The following SGCD variants were observed in gnomAD, a reference collection of about 807,000 sequenced individuals.
The protein encoded by SGCD is sarcoglycan delta.
Under a neutral mutation model 36.6 loss-of-function variants are expected in SGCD, and 18 were observed. The ratio of observed to expected loss-of-function variants is 0.49; its 90% CI spans 0.34 to 0.73. The LOEUF is 0.73. Ranked by LOEUF, SGCD falls within the 30% of genes least tolerant of loss-of-function variation. SGCD has a pLI of 0.01. For synonymous variants in SGCD, 133 were observed against 130.6 expected, an observed-to-expected ratio of 1.02 and a Z score of -0.12; for missense variants, 387 against 346.7, an observed-to-expected ratio of 1.12 and a Z score of -0.92.
At chr5:156,073,744 A>G (rs1164302994) in intron 1 of SGCD, among the ~76,000 whole-genome samples, 1 of 152,230 alleles carries the variant, frequency 6.6e-6, no homozygotes, top group Non-Finnish European at 1.5e-5. Flanking sequence ...CAGCAGAAAG[A>G]TATAATACAG....
chr5:156,192,995 C>G (rs980940343), intron 3 of SGCD, among the ~76,000 whole-genome samples: 2 of 151,032 alleles, frequency 1.3e-5, no homozygotes, highest in African/African-American at 4.9e-5. Context: ...TCATGGACAC[C>G]GAAATTTTAA....
At chr5:155,993,198 C>G (rs995309035) in intron 1 of SGCD, among the ~76,000 whole-genome samples, 1 of 152,180 alleles carries the variant, frequency 6.6e-6, no homozygotes, top group Non-Finnish European at 1.5e-5. Context: ...ATGGAACATT[C>G]CTGCATGGCC....
At chr5:155,902,920 C>A (rs1349519649) in intron 1 of SGCD, among the ~76,000 whole-genome samples, 1 of 152,196 alleles carries the variant, frequency 6.6e-6, no homozygotes, top group Non-Finnish European at 1.5e-5. Flanking sequence ...TTTGCTAGGA[C>A]TTTATAGATA....
chr5:155,898,308 A>G (rs1024782108), intron 1 of SGCD, among the ~76,000 whole-genome samples: 1 of 152,228 alleles, frequency 6.6e-6, no homozygotes, highest in Admixed American at 6.5e-5. Flanking sequence ...TAGCAGTGAT[A>G]TGAACAGTAC....
rs568667875 is a variant in SGCD, at chr5:156,006,350, A to AT, written c.-281-111520dup. ...GTCAAAATGACAAATCTCTTTGATTATTTTTTTTCATTTGAAGTCAAAAGC... is the reference window on the plus strand; with the variant it reads ...GTCAAAATGACAAATCTCTTTGATTATTTTTTTTTCATTTGAAGTCAAAAGC... On this transcript the variant is annotated intron_variant, in intron 1 of 9. Coordinates refer to the SGCD transcript ENST00000517913. Among the ~76,000 whole-genome samples the AT allele has an allele frequency of 1.2e-3, 187 of 152,078 alleles. 1 individual carries two copies. Among genetic ancestry groups the AT allele is most frequent in the Admixed American group, 2.1e-3 (32 of 15,268 alleles).
the SGCD span, among the ~76,000 whole-genome samples, chr5:155,785,374 CA>C: frequency 6.6e-6 from 1 of 152,094 alleles, no homozygotes; most frequent in African/African-American, 2.4e-5. Flanking sequence ...ATGATTAAAT[CA>C]GGGTAATTAG....
At chr5:155,894,595 C>T (rs1432629451) in intron 1 of SGCD, among the ~76,000 whole-genome samples, 2 of 152,182 alleles carry the variant, frequency 1.3e-5, no homozygotes, top group African/African-American at 4.8e-5. Flanking sequence ...CACTCTCTTG[C>T]ATTACCGCCT....
intron 3 of SGCD, among the ~76,000 whole-genome samples, chr5:156,381,693 A>G (rs1221885928): frequency 2.6e-5 from 4 of 152,222 alleles, no homozygotes; most frequent in South Asian, 2.1e-4. Context: ...TCATAAAAGC[A>G]TAGCATTTTA....
chr5:155,749,047 A>T, the SGCD span, among the ~76,000 whole-genome samples: 1 of 152,234 alleles, frequency 6.6e-6, no homozygotes, highest in Non-Finnish European at 1.5e-5. Flanking sequence ...CTGCGATGGG[A>T]TGTAAGTAGA....
At chr5:156,583,128 A>T (rs1485901125) in intron 4 of SGCD, among the ~76,000 whole-genome samples, 1 of 152,204 alleles carries the variant, frequency 6.6e-6, no homozygotes, top group African/African-American at 2.4e-5. Flanking sequence ...AGATTTTAGT[A>T]TACAGTGGAA....
chr5:156,503,990 G>A (rs938721397), intron 3 of SGCD, among the ~76,000 whole-genome samples: 2 of 151,940 alleles, frequency 1.3e-5, no homozygotes, highest in African/African-American at 4.8e-5. Flanking sequence ...GATCACCTGA[G>A]GTCATGAGTT....
chr5:156,652,588 C>G (rs999000204), intron 7 of SGCD, among the ~76,000 whole-genome samples: 2 of 152,064 alleles, frequency 1.3e-5, no homozygotes, highest in African/African-American at 4.8e-5. Context: ...ATTTCTCTTG[C>G]CTGATTGCTG....
intron 3 of SGCD, among the ~76,000 whole-genome samples, chr5:156,248,768 C>T (rs988557843): frequency 6.6e-5 from 10 of 152,126 alleles, no homozygotes; most frequent in Non-Finnish European, 1.0e-4. Context: ...AATGCAAGTT[C>T]CTGAGCAAGA....
chr5:155,891,066 G>C (rs1756117491), intron 1 of SGCD, among the ~76,000 whole-genome samples: 1 of 152,282 alleles, frequency 6.6e-6, no homozygotes, highest in South Asian at 2.1e-4. Context: ...TCCTAGGGAG[G>C]AACATGACAT....
intron 3 of SGCD, among the ~76,000 whole-genome samples, chr5:156,422,319 G>A (rs1773347332): frequency 6.6e-6 from 1 of 151,994 alleles, no homozygotes; most frequent in South Asian, 2.1e-4. Flanking sequence ...CAATAACAAA[G>A]TCACTGTTTT....
intron 3 of SGCD, among the ~76,000 whole-genome samples, chr5:156,302,400 G>A (rs112508214): frequency 0.01 from 1,521 of 151,674 alleles, 12 homozygotes; most frequent in African/African-American, 0.03. Context: ...TTATCTGCTG[G>A]GACTCTGAAT....
upstream of SGCD, chr5:156,326,680 T>G (rs1357443849): frequency 6.6e-6 from 1 of 152,296 alleles, no homozygotes; most frequent in Non-Finnish European, 1.5e-5. Context: ...TGGCAAGAGC[T>G]CAGGGGGCTG....
At chr5:155,835,064 G>A in the SGCD span, among the ~76,000 whole-genome samples, 3 of 139,792 alleles carry the variant, frequency 2.1e-5, no homozygotes, top group East Asian at 2.2e-4. Context: ...CTAGAGAGCA[G>A]TGACGTGATC....
the SGCD span, among the ~76,000 whole-genome samples, chr5:155,763,376 T>A: frequency 6.6e-6 from 1 of 152,120 alleles, no homozygotes; most frequent in Non-Finnish European, 1.5e-5. Context: ...TAAAATAATA[T>A]TATAACAGTA....
Sources: gnomAD v4.1 joint callset for allele counts (sites outside exome capture counted in the v4.1 genomes callset) on GRCh38, gnomAD v4.1.1 for gene constraint, MANE v1.5 for transcripts, NCBI Gene and HGNC (gene_info 2026-07-23, HGNC 2026-07-21) for gene names.